UGCG: variants seen among roughly 807,000 people sequenced by gnomAD.
The protein encoded by UGCG is UDP-glucose ceramide glucosyltransferase.
In UGCG, 10 loss-of-function variants were observed where a neutral mutation model predicts 49.5. That is an observed-to-expected ratio of 0.20 (90% CI 0.12 to 0.34). The LOEUF (loss-of-function observed/expected upper bound fraction) is 0.34, where lower values mean the gene tolerates loss of function less well. Ranked by LOEUF, UGCG falls within the 10% of genes least tolerant of loss-of-function variation. UGCG has a pLI of 1.00. For synonymous variants in UGCG, 182 were observed against 158.2 expected, an observed-to-expected ratio of 1.15 and a Z score of -1.13; for missense variants, 312 against 483.7, an observed-to-expected ratio of 0.65 and a Z score of 3.33.
intron 7 of UGCG, among the ~76,000 whole-genome samples, chr9:111,931,642 A>G (rs1285683080): frequency 6.6e-6 from 1 of 152,148 alleles, no homozygotes; most frequent in Non-Finnish European, 1.5e-5. Flanking sequence ...AAATTTTATT[A>G]TCTGTATTCA....
chr9:111,934,788 T>C lies in UGCG; in HGVS notation c.*1791T>C, dbSNP rs1050554989. 6.6e-6 allele frequency: 1 copy of C among 152,134 alleles called. No individual in the cohort carries two copies. Among genetic ancestry groups the C allele is most frequent in the Non-Finnish European group, 1.5e-5 (1 of 68,030 alleles). 9.4% of individuals were successfully genotyped at this position (152,134 alleles called of 1,614,324 possible). ...GGGCATTTTCTTTATGAACAAAGGC[T>C]TGGATGCATATTCCTTTCTTTCTGT... On this transcript the variant is annotated 3_prime_UTR_variant, in exon 9 of 9. Transcript: ENST00000374279.
chr9:111,899,924 AT>A (rs1485415241), intron 1 of UGCG, among the ~76,000 whole-genome samples: 1 of 152,164 alleles, frequency 6.6e-6, no homozygotes, highest in Non-Finnish European at 1.5e-5. Flanking sequence ...ATACTTGGGT[AT>A]GTTTCAAAGC....
At chr9:111,902,221 A>G (rs1399071944) in intron 1 of UGCG, among the ~76,000 whole-genome samples, 2 of 151,920 alleles carry the variant, frequency 1.3e-5, no homozygotes, top group Admixed American at 1.3e-4. Flanking sequence ...GCCATCTCCT[A>G]TTTGTTTTCT....
At position 111,929,677 on chromosome 9, in the gene UGCG, C is replaced by G; in HGVS notation, c.736C>G (p.Arg246Gly). The G allele has an allele frequency of 6.2e-7, 1 of 1,612,044 alleles. No homozygotes were observed. Among genetic ancestry groups the G allele is most frequent in the South Asian group, 1.1e-5 (1 of 90,402 alleles). The change falls in exon 6 of 9, where the codon CGA (arginine) becomes GGA (glycine). Residue 246 changes from arginine (R) to glycine (G), a missense_variant and splice_region_variant. Transcript: ENST00000374279. ...CTTTATGGCCAAAGCGATAGCTGAC[C>G]GGTAAGACAACTAAATGAAGCCATA... is the stretch of plus-strand genomic sequence containing the variant. ...DYFMAKAIAD[R>G]GWRFAMSTQV...
At position 111,924,861 on chromosome 9, in the gene UGCG, G is replaced by T; in HGVS notation, c.428G>T (p.Cys143Phe). Residue 143 changes from cysteine (C) to phenylalanine (F), a missense_variant, in exon 4 of 9, where the codon TGT (cysteine) becomes TTT (phenylalanine). Physicochemically the swap from Cys to Phe is radical, Grantham distance 205 (BLOSUM62 -2). This residue lies in a region of UGCG where 180 missense variants were observed against 320.4 expected (regional missense o/e 0.56). Transcript: ENST00000374279. ...GCAAAGTATGATCTTATATGGATTT[G>T]TGATAGTGGAATAAGAGGTGAGGTT... ...EVAKYDLIWI[C>F]DSGIRVIPDT... 1 of 1,498,348 alleles carries T rather than the reference G, an allele frequency of 6.7e-7. No homozygotes were observed. Among genetic ancestry groups the T allele is most frequent in the South Asian group, 1.5e-5 (1 of 67,170 alleles). The allele number at this position is 1,498,348 out of a possible 1,614,324, so 92.8% of individuals were successfully genotyped here. A position where few individuals can be genotyped will look rare whatever the true frequency, so the allele number is the denominator to read the frequency against.
chr9:111,922,309 AG>A (rs1330090016), intron 2 of UGCG, among the ~76,000 whole-genome samples: 7 of 152,246 alleles, frequency 4.6e-5, no homozygotes, highest in Admixed American at 3.9e-4. Flanking sequence ...GAAACAAAAA[AG>A]GGTAATCTTA....
At chr9:111,929,008 G>A (rs1240054574) in intron 5 of UGCG, among the ~76,000 whole-genome samples, 2 of 151,946 alleles carry the variant, frequency 1.3e-5, no homozygotes, top group Non-Finnish European at 2.9e-5. Context: ...ACAAAAGGAT[G>A]CAAGAAAAGG....
At chr9:111,920,664 C>T (rs1838204799) in intron 2 of UGCG, among the ~76,000 whole-genome samples, 5 of 151,820 alleles carry the variant, frequency 3.3e-5, no homozygotes, top group Admixed American at 3.3e-4. Context: ...ACGCCTGGCC[C>T]ACAAATTTTT....
At chr9:111,912,376 G>A (rs7045934) in intron 1 of UGCG, among the ~76,000 whole-genome samples, 16,420 of 151,738 alleles carry the variant, frequency 0.11, 947 homozygotes, top group South Asian at 0.16. Flanking sequence ...TGAAGAGTTC[G>A]AGACCAGCCT....
At chr9:111,921,880 C>T (rs1346980007) in intron 2 of UGCG, among the ~76,000 whole-genome samples, 3 of 127,250 alleles carry the variant, frequency 2.4e-5, no homozygotes, top group Admixed American at 1.0e-4. Flanking sequence ...GCGCAGTCTT[C>T]GGCTCACTGC....
chr9:111,911,253 G>A (rs1837990041), intron 1 of UGCG, among the ~76,000 whole-genome samples: 1 of 152,010 alleles, frequency 6.6e-6, no homozygotes, highest in African/African-American at 2.4e-5. Flanking sequence ...AGGCAAGCAT[G>A]GACTCTAGCA....
At chr9:111,921,639 ACT>A (rs963885042) in intron 2 of UGCG, among the ~76,000 whole-genome samples, 19 of 135,860 alleles carry the variant, frequency 1.4e-4, no homozygotes, top group African/African-American at 5.1e-4. Context: ...TGACAGTGAG[ACT>A]CTGTCTCAAA....
chr9:111,898,653 T>TA (rs1837711114), intron 1 of UGCG, among the ~76,000 whole-genome samples: 1 of 152,186 alleles, frequency 6.6e-6, no homozygotes, highest in Non-Finnish European at 1.5e-5. Context: ...AAAAAATTGT[T>TA]ACTTTTTACC....
intron 8 of UGCG, 145 bp from the exon 9 acceptor site, chr9:111,932,682 A>G: frequency 1.3e-6 from 1 of 745,884 alleles, no homozygotes; most frequent in South Asian, 2.3e-5. Context: ...CTTGAACGGT[A>G]TAACATGGCA....
At chr9:111,922,706 T>C (rs894509434) in intron 2 of UGCG, 143 bp from the exon 3 acceptor site, 13 of 473,926 alleles carry the variant, frequency 2.7e-5, no homozygotes, top group Non-Finnish European at 4.4e-5. Flanking sequence ...CATAAGTGTT[T>C]GCATCCATTG....
At chr9:111,914,565 G>C (rs1185756236) in intron 1 of UGCG, 40 bp from the exon 2 acceptor site, 1 of 1,596,222 alleles carries the variant, frequency 6.3e-7, no homozygotes, top group African/African-American at 1.3e-5. Context: ...TGACACTAAT[G>C]TATTCTATAG....
chr9:111,908,850 C>T (rs771371105), intron 1 of UGCG, among the ~76,000 whole-genome samples: 13 of 152,188 alleles, frequency 8.5e-5, no homozygotes, highest in Non-Finnish European at 1.2e-4. Flanking sequence ...AGACCCTGTC[C>T]GAGCCACTTA....
Position 111,929,601 on chromosome 9 carries a change from G to A in UGCG, c.660G>A (p.Leu220=), listed in dbSNP as rs766438357. 6.2e-7 allele frequency: 1 copy of A among 1,613,862 alleles called. No individual in the cohort carries two copies. The highest frequency in any genetic ancestry group is 8.5e-7 in the Non-Finnish European group (1 of 1,179,996). ...CTTGTTTAATGAGAAAAGATGTGTT[G>A]GATCAAGCAGGAGGACTTATAGCTT... The part of the protein sequence containing the change: ...GMSCLMRKDV[L]DQAGGLIAFA... The change falls in exon 6 of 9, where the codon TTG becomes TTA. Residue 220 remains leucine, a synonymous_variant. Coordinates refer to ENST00000374279, the MANE Select transcript of UGCG (RefSeq NM_003358.3).
chr9:111,924,699 T>G (rs984294899), intron 3 of UGCG, 78 bp from the exon 4 acceptor site: 2 of 610,410 alleles, frequency 3.3e-6, no homozygotes, highest in East Asian at 8.2e-5. Flanking sequence ...GTATTCTCAT[T>G]TCTATCATGT....
Sources: gnomAD v4.1 joint callset for allele counts (sites outside exome capture counted in the v4.1 genomes callset) on GRCh38, gnomAD v4.1.1 for gene constraint, gnomAD v4.1.1 regional missense constraint, MANE v1.5 for transcripts, NCBI Gene and HGNC (gene_info 2026-07-23, HGNC 2026-07-21) for gene names.